ENPP3: variants seen among roughly 807,000 people sequenced by gnomAD.
The protein encoded by ENPP3 is ectonucleotide pyrophosphatase/phosphodiesterase family member 3.
A neutral mutation model predicts 117.8 loss-of-function variants in ENPP3; 104 were observed. The observed-to-expected ratio is 0.88, with a 90% CI of 0.75 to 1.04. The LOEUF (loss-of-function observed/expected upper bound fraction) is 1.04. Among genes scored for constraint, ENPP3 ranks in the 50% least tolerant of loss-of-function variants. ENPP3 has a pLI of 0.00. For missense variants in ENPP3, 1,026 were observed against 1,051.9 expected (o/e 0.98, Z 0.34); for synonymous variants, 380 against 349.9 (o/e 1.09, Z -0.96).
In ENPP3 at chr6:131,639,254, T is replaced by C. The variant is rs9493035; in HGVS notation, c.78+1792T>C. On this transcript the variant is annotated intron_variant, in intron 1 of 24. Coordinates refer to ENST00000357639, the MANE Select transcript of ENPP3 (RefSeq NM_005021.5). ...TTTATAGCTCTTATGCTAATATATA[T>C]ATATATATATATTTTTTTTTTTTTC... Among the ~76,000 whole-genome samples, 411 of 58,332 alleles carry C rather than the reference T, an allele frequency of 7.0e-3. 1 individual carries two copies. Among genetic ancestry groups the C allele is most frequent in the African/African-American group, 0.038 (379 of 9,964 alleles). The allele number at this position is 58,332 out of a possible 152,430, so 38.3% of individuals were successfully genotyped here. A position where few individuals can be genotyped will look rare whatever the true frequency, so the allele number is the denominator to read the frequency against.
At chr6:131,721,522 G>C (rs1780030868) in intron 17 of ENPP3, among the ~76,000 whole-genome samples, 1 of 149,938 alleles carries the variant, frequency 6.7e-6, no homozygotes, top group Admixed American at 6.6e-5. Flanking sequence ...TACTTAAAAG[G>C]CTATGTTGGT....
intron 23 of ENPP3, 56 bp from the exon 24 acceptor site, chr6:131,740,168 C>G: frequency 4.4e-6 from 6 of 1,362,248 alleles, no homozygotes; most frequent in African/African-American, 1.5e-5. Flanking sequence ...ACACTTATCA[C>G]CTTTAGAAAC....
chr6:131,735,767 T>C (rs867334067), intron 21 of ENPP3, among the ~76,000 whole-genome samples: 52 of 152,150 alleles, frequency 3.4e-4, no homozygotes, highest in African/African-American at 1.2e-3. Flanking sequence ...GAATCTAAAA[T>C]AGTCAAATTC....
At position 131,726,109 on chromosome 6, in the gene ENPP3, A is replaced by G. The variant is rs768505858; in HGVS notation, c.1862A>G (p.Asp621Gly). 1.2e-6 allele frequency: 2 copies of G among 1,613,168 alleles called. No homozygotes were observed. Among genetic ancestry groups the G allele is most frequent in the Non-Finnish European group, 1.7e-6 (2 of 1,179,142 alleles). The change falls in exon 20 of 25, where the codon GAC becomes GGC. Residue 621 changes from aspartate (D) to glycine (G), a missense_variant. By Grantham distance (94) the Asp-to-Gly change is moderately conservative. Coordinates refer to ENST00000357639, the MANE Select transcript of ENPP3 (RefSeq NM_005021.5). ...GRPRVLQKNV[D>G]HCLLYHREYV... ...CCTAGGGTACTGCAGAAGAACGTGGACCACTGTCTCCTTTACCACAGGGAA... is the reference window on the plus strand; with the variant it reads ...CCTAGGGTACTGCAGAAGAACGTGGGCCACTGTCTCCTTTACCACAGGGAA...
intron 11 of ENPP3, 68 bp downstream of exon 11, chr6:131,678,008 G>A: frequency 7.6e-6 from 7 of 915,386 alleles, no homozygotes; most frequent in Non-Finnish European, 1.2e-5. Context: ...CACAAAACAA[G>A]ATAGTATTCT....
chr6:131,645,498 T>C (rs1021459759), intron 2 of ENPP3, among the ~76,000 whole-genome samples: 1 of 152,218 alleles, frequency 6.6e-6, no homozygotes, highest in African/African-American at 2.4e-5. Flanking sequence ...CATTAGCCCA[T>C]CTATTGTGTT....
At chr6:131,661,385 T>G (rs960638306) in intron 6 of ENPP3, among the ~76,000 whole-genome samples, 2 of 152,100 alleles carry the variant, frequency 1.3e-5, no homozygotes, top group Non-Finnish European at 2.9e-5. Context: ...CAACACCTGT[T>G]TTTGGGGTTT....
intron 24 of ENPP3, among the ~76,000 whole-genome samples, chr6:131,743,590 G>A (rs1319492674): frequency 6.6e-6 from 1 of 152,056 alleles, no homozygotes; most frequent in African/African-American, 2.4e-5. Context: ...AGCACTTTGG[G>A]AGGCCGAGGC....
chr6:131,725,375 C>G (rs1364988711), intron 19 of ENPP3, among the ~76,000 whole-genome samples: 3 of 152,164 alleles, frequency 2.0e-5, no homozygotes, highest in Non-Finnish European at 4.4e-5. Context: ...GATTTGGTTT[C>G]TGATGATGGC....
chr6:131,638,115 G>T (rs1042246120), intron 1 of ENPP3, among the ~76,000 whole-genome samples: 16 of 151,304 alleles, frequency 1.1e-4, no homozygotes, highest in African/African-American at 3.9e-4. Context: ...AGTTTTCTCA[G>T]CCCCCAACCA....
chr6:131,645,282 G>C (rs1306866570), intron 2 of ENPP3, among the ~76,000 whole-genome samples: 2 of 152,198 alleles, frequency 1.3e-5, no homozygotes, highest in Non-Finnish European at 2.9e-5. Flanking sequence ...GTAGTCCCAG[G>C]TTGCTTTCTA....
At chr6:131,692,857 T>C (rs943085907) in intron 14 of ENPP3, among the ~76,000 whole-genome samples, 2 of 142,736 alleles carry the variant, frequency 1.4e-5, no homozygotes, top group Non-Finnish European at 3.0e-5. Context: ...ATATATGATA[T>C]GTGATATATA....
intron 1 of ENPP3, 59 bp downstream of exon 1, chr6:131,637,521 G>A: frequency 1.0e-6 from 1 of 957,390 alleles, no homozygotes; most frequent in Non-Finnish European, 1.6e-6. Context: ...AAAAGTATAT[G>A]ATTTCCCATT....
intron 2 of ENPP3, among the ~76,000 whole-genome samples, chr6:131,645,672 T>TGTTGAATTCTA (rs1251959996): frequency 3.3e-5 from 5 of 152,202 alleles, no homozygotes; most frequent in African/African-American, 9.6e-5. Context: ...TTTGGCTAGG[T>TGTTGAATTCTA]GTTGAATTCT....
intron 2 of ENPP3, among the ~76,000 whole-genome samples, chr6:131,649,665 C>T (rs1778220974): frequency 6.6e-6 from 1 of 152,156 alleles, no homozygotes; most frequent in Non-Finnish European, 1.5e-5. Context: ...AAGCAATTCT[C>T]CTGCCTCAGT....
chr6:131,657,236 A>T (rs1387949976), intron 5 of ENPP3, among the ~76,000 whole-genome samples: 1 of 152,060 alleles, frequency 6.6e-6, no homozygotes, highest in Non-Finnish European at 1.5e-5. Flanking sequence ...TCCTATCTTA[A>T]GTGTATAGTA....
chr6:131,657,280 C>T (rs1562432572), intron 5 of ENPP3, among the ~76,000 whole-genome samples: 1 of 152,224 alleles, frequency 6.6e-6, no homozygotes, highest in East Asian at 1.9e-4. Flanking sequence ...AGCTATGTAA[C>T]TTACCAATAT....
At chr6:131,673,339 A>T (rs1279528783) in intron 7 of ENPP3, among the ~76,000 whole-genome samples, 2 of 152,184 alleles carry the variant, frequency 1.3e-5, no homozygotes, top group Admixed American at 1.3e-4. Context: ...TGGTACCTAT[A>T]CACCATGGAA....
chr6:131,646,840 C>A (rs1243537094), intron 2 of ENPP3, among the ~76,000 whole-genome samples: 1 of 142,472 alleles, frequency 7.0e-6, no homozygotes, highest in Admixed American at 7.3e-5. Context: ...TTTCAAAATT[C>A]TTTTTCTGCT....
Sources: gnomAD v4.1 joint callset for allele counts (sites outside exome capture counted in the v4.1 genomes callset) on GRCh38, gnomAD v4.1.1 for gene constraint, MANE v1.5 for transcripts, NCBI Gene and HGNC (gene_info 2026-07-23, HGNC 2026-07-21) for gene names.